The following JAKMIP1 variants were observed in gnomAD, a reference collection of about 807,000 sequenced individuals.
The protein encoded by JAKMIP1 is janus kinase and microtubule-interacting protein 1.
Under a neutral mutation model 113.0 loss-of-function variants are expected in JAKMIP1, and 33 were observed. The observed-to-expected ratio is 0.29, with a 90% CI of 0.22 to 0.39. The LOEUF is 0.39. Among genes scored for constraint, JAKMIP1 ranks in the 10% least tolerant of loss-of-function variants. The pLI is 1.00. For synonymous variants in JAKMIP1, 480 were observed against 459.9 expected, an observed-to-expected ratio of 1.04 and a Z score of -0.56; for missense variants, 813 against 1,080.5, an observed-to-expected ratio of 0.75 and a Z score of 3.47.
At chr4:6,072,757 C>T (rs970749450) in intron 8 of JAKMIP1, among the ~76,000 whole-genome samples, 1 of 152,004 alleles carries the variant, frequency 6.6e-6, no homozygotes, top group African/African-American at 2.4e-5. Flanking sequence ...CTGCAAACAA[C>T]CATGAAGGAA....
chr4:6,117,133 G>T, intron 1 of JAKMIP1, among the ~76,000 whole-genome samples: 1 of 152,180 alleles, frequency 6.6e-6, no homozygotes, highest in East Asian at 1.9e-4. Flanking sequence ...TTCAAGCCCT[G>T]CTCTGAGCAT....
chr4:6,047,823 G>A (rs1191478644), intron 16 of JAKMIP1, among the ~76,000 whole-genome samples: 1 of 152,186 alleles, frequency 6.6e-6, no homozygotes, highest in Non-Finnish European at 1.5e-5. Context: ...AAGGTCTTTA[G>A]CCACAAACAG....
chr4:6,196,582 G>A (rs1025142879), intron 1 of JAKMIP1, among the ~76,000 whole-genome samples: 4 of 152,090 alleles, frequency 2.6e-5, no homozygotes, highest in Admixed American at 2.0e-4. Context: ...GGCCAGGTGC[G>A]GTGGCTCACG....
In JAKMIP1 at chr4:6,158,089, C is replaced by T. The variant is rs558114117; in HGVS notation, c.-148+42164G>A. 4.2e-4 allele frequency among the ~76,000 whole-genome samples: 64 copies of T among 152,282 alleles called. No homozygotes were observed. The South Asian group carries it at 0.01, about 24-fold the overall frequency. ...GCGCCGTCCCTCTCCCTGTGTGAGA[C>T]GCTGGTCAAGTTACTCCTGCTCTCT... On this transcript the variant is annotated intron_variant, in intron 1 of 20. Transcript: ENST00000409021. This position sits in a 1 kb window ranked among gnomAD's most constrained non-coding sequence, Gnocchi z 5.3.
rs2108785061 is a variant in JAKMIP1, at chr4:6,061,622, T to C, written c.1560+690A>G. ...TATTTGGGGGCAAGTTGCTCAGTTC[T>C]GAGCCTGTTTCCTCATTCGGAAGAT... On this transcript the variant is annotated intron_variant, in intron 10 of 20. Coordinates refer to ENST00000409021, the MANE Select transcript of JAKMIP1 (RefSeq NM_001099433.2). This position sits in a 1 kb window ranked among gnomAD's most constrained non-coding sequence, Gnocchi z 5.3. Among the ~76,000 whole-genome samples, 1 of 151,432 alleles carries C rather than the reference T, an allele frequency of 6.6e-6. No individual in the cohort carries two copies. Among genetic ancestry groups the C allele is most frequent in the East Asian group, 1.9e-4 (1 of 5,140 alleles).
chr4:6,126,228 ACG>A (rs1717563788), intron 1 of JAKMIP1, among the ~76,000 whole-genome samples: 1 of 148,382 alleles, frequency 6.7e-6, no homozygotes. Context: ...AAACACACAC[ACG>A]CAAACACACA....
chr4:6,117,516 C>A (rs1715994236), intron 1 of JAKMIP1, among the ~76,000 whole-genome samples: 2 of 147,542 alleles, frequency 1.4e-5, no homozygotes, highest in African/African-American at 2.6e-5. Context: ...ACCACAGGAC[C>A]AGGACCGAAG....
intron 1 of JAKMIP1, among the ~76,000 whole-genome samples, chr4:6,161,606 A>C (rs942768933): frequency 1.3e-5 from 2 of 151,766 alleles, no homozygotes; most frequent in South Asian, 4.2e-4. Context: ...ACAAGCAAGG[A>C]GAAGGAAGGC....
At chr4:6,101,577 G>A (rs989851320) in intron 3 of JAKMIP1, among the ~76,000 whole-genome samples, 6 of 151,836 alleles carry the variant, frequency 4.0e-5, no homozygotes, top group East Asian at 3.9e-4. Context: ...TCTGCTTGCC[G>A]ATGTCTGCAT....
chr4:6,117,591 AG>A (rs1463663336), intron 1 of JAKMIP1, among the ~76,000 whole-genome samples: 1 of 152,134 alleles, frequency 6.6e-6, no homozygotes, highest in Non-Finnish European at 1.5e-5. Flanking sequence ...ATCAGGAGAC[AG>A]GGTTTTGAGA....
chr4:6,085,667 C>A, intron 3 of JAKMIP1, 38 bp from the exon 4 acceptor site: 1 of 1,587,546 alleles, frequency 6.3e-7, no homozygotes, highest in Non-Finnish European at 8.6e-7. Context: ...GCCCTAGGGG[C>A]TCATGACCAA....
chr4:6,146,492 C>A (rs901606196), intron 1 of JAKMIP1, among the ~76,000 whole-genome samples: 6 of 152,094 alleles, frequency 3.9e-5, no homozygotes, highest in African/African-American at 1.4e-4. Context: ...CAGGTTTTCA[C>A]CCTGTTGCCC....
At chr4:6,191,219 G>A (rs563714245) in intron 1 of JAKMIP1, among the ~76,000 whole-genome samples, 4 of 152,318 alleles carry the variant, frequency 2.6e-5, no homozygotes, top group African/African-American at 7.2e-5. Flanking sequence ...ACCCCAGTGT[G>A]TGTCAGGCTC....
At position 6,177,042 on chromosome 4, in the gene JAKMIP1, T is replaced by A. The variant is rs562136427; in HGVS notation, c.-148+23211A>T. On this transcript the variant is annotated intron_variant, in intron 1 of 20. Transcript: ENST00000409021. Reference sequence around the variant, plus strand: ...GAGTAAGACCCTGTCTCAAAAAAATTTTTTTTAAATGATCGGAAAGGTACA... The same window carrying A: ...GAGTAAGACCCTGTCTCAAAAAAATATTTTTTAAATGATCGGAAAGGTACA... Among the ~76,000 whole-genome samples the A allele has an allele frequency of 1.8e-3, 270 of 152,036 alleles. 2 individuals are homozygous for A. Among genetic ancestry groups the A allele is most frequent in the African/African-American group, 6.4e-3 (264 of 41,472 alleles).
intron 19 of JAKMIP1, among the ~76,000 whole-genome samples, chr4:6,032,165 C>T (rs1372038510): frequency 6.6e-6 from 1 of 152,072 alleles, no homozygotes; most frequent in Admixed American, 6.6e-5. Context: ...TGTGTGGGAC[C>T]CCATGACACC....
Position 6,064,909 on chromosome 4 carries a change from G to C in JAKMIP1, c.1402C>G (p.Pro468Ala). ...SYNTDRTDRT[P>A]ATPEEDLDDA... ...TCCAAGTCTTCTTCGGGCGTGGCTG[G>C]GGTCCTGTCTGTCCTGTCTGTGTTG... Residue 468 changes from proline to alanine, a missense_variant, in exon 9 of 21, where the codon CCA becomes GCA. Physicochemically the swap from Pro to Ala is conservative, Grantham distance 27. Coordinates refer to ENST00000409021, the MANE Select transcript of JAKMIP1 (RefSeq NM_001099433.2). This position sits in a 1 kb window ranked among gnomAD's most constrained non-coding sequence, Gnocchi z 4.3. 6.2e-7 allele frequency: 1 copy of C among 1,614,098 alleles called. No individual in the cohort carries two copies. Among genetic ancestry groups the C allele is most frequent in the Non-Finnish European group, 8.5e-7 (1 of 1,180,010 alleles).
At chr4:6,098,585 G>GAAAGAAAGAAAGAAA (rs1712298380) in intron 3 of JAKMIP1, among the ~76,000 whole-genome samples, 1 of 85,496 alleles carries the variant, frequency 1.2e-5, no homozygotes, top group African/African-American at 5.1e-5. Flanking sequence ...AAAGAAAGAA[G>GAAAGAAAGAAAGAAA]GAAAGGAAGA....
intron 20 of JAKMIP1, among the ~76,000 whole-genome samples, chr4:6,028,368 G>C (rs1367081610): frequency 6.6e-6 from 1 of 152,226 alleles, no homozygotes; most frequent in Admixed American, 6.5e-5. Flanking sequence ...CCCCGCCCCT[G>C]CGCACAGATC....
intron 8 of JAKMIP1, 45 bp downstream of exon 8, chr4:6,078,894 G>C (rs539093656): frequency 5.0e-6 from 8 of 1,607,614 alleles, no homozygotes; most frequent in Admixed American, 3.3e-5. Context: ...CTGCAGATCC[G>C]TGACACAGCG....
Sources: gnomAD v4.1 joint callset for allele counts (sites outside exome capture counted in the v4.1 genomes callset) on GRCh38, gnomAD v4.1.1 for gene constraint, Gnocchi (gnomAD v3.1) non-coding constraint, MANE v1.5 for transcripts, NCBI Gene and HGNC (gene_info 2026-07-23, HGNC 2026-07-21) for gene names.